Variants in HHATL observed in about 807,000 individuals in gnomAD.
HHATL encodes hedgehog acyltransferase like.
A neutral mutation model predicts 59.7 loss-of-function variants in HHATL; 49 were observed. That is an observed-to-expected ratio of 0.82 (90% CI 0.65 to 1.04). The LOEUF (loss-of-function observed/expected upper bound fraction) is 1.04. Among genes scored for constraint, HHATL ranks in the 50% least tolerant of loss-of-function variants. The pLI, the probability that HHATL is intolerant of heterozygous loss-of-function variation, is 0.00. For synonymous variants in HHATL, 238 were observed against 257.3 expected (o/e 0.93, Z 0.72); for missense variants, 605 against 650.8 (o/e 0.93, Z 0.77).
At chr3:42,695,165 C>A (rs77227957) in intron 9 of HHATL, among the ~76,000 whole-genome samples, 2,446 of 152,258 alleles carry the variant, frequency 0.016, 87 homozygotes, top group East Asian at 0.13. Flanking sequence ...CATGCCCCAA[C>A]TTTGTCACCA....
At position 42,698,749 on chromosome 3, in the gene HHATL, T is replaced by A. The variant is rs1293952554; in HGVS notation, c.442A>T (p.Ser148Cys). 1 of 1,598,842 alleles carries A rather than the reference T, an allele frequency of 6.3e-7. No individual in the cohort carries two copies. The highest frequency in any genetic ancestry group is 1.1e-5 in the South Asian group (1 of 88,486). The change falls in exon 5 of 12, where the codon AGC becomes TGC. Residue 148 changes from serine (S) to cysteine (C), a missense_variant. By Grantham distance (112) the Ser-to-Cys change is moderately radical (BLOSUM62 -1). Coordinates refer to ENST00000441594, the MANE Select transcript of HHATL (RefSeq NM_020707.4). ...PWLCLGLGLA[S>C]LASFKMDPLI... ...GGGTCCATCTTGAAGGAGGCCAGGCTGGCCAAGCCAAGGCCAAGACAGAGC... is the reference window on the plus strand; with the variant it reads ...GGGTCCATCTTGAAGGAGGCCAGGCAGGCCAAGCCAAGGCCAAGACAGAGC...
rs568066259 is a variant in HHATL, at chr3:42,694,347, TC to T, written c.1047-530del. The T allele has an allele frequency of 7.3e-3, 1,140 of 156,730 alleles. 5 individuals are homozygous for T. Among genetic ancestry groups the T allele is most frequent in the Non-Finnish European group, 0.012 (834 of 70,378 alleles). 9.7% of individuals were successfully genotyped at this position (156,730 alleles called of 1,614,324 possible). ...CTCTCAGTCCTGACCACCACTCACC[TC>T]CTCTACCACCACCACCCTAGTCAAG... On this transcript the variant is annotated intron_variant, in intron 9 of 11. Coordinates refer to ENST00000441594, the MANE Select transcript of HHATL (RefSeq NM_020707.4).
intron 9 of HHATL, among the ~76,000 whole-genome samples, chr3:42,695,445 C>T (rs1490203690): frequency 6.6e-6 from 1 of 152,214 alleles, no homozygotes; most frequent in African/African-American, 2.4e-5. Flanking sequence ...GGGGAAATCT[C>T]ACATCTTCAC....
At position 42,697,805 on chromosome 3, in the gene HHATL, T is replaced by G. The variant is rs922799172; in HGVS notation, c.694-126A>C. On this transcript the variant is annotated intron_variant, in intron 6 of 11. Transcript: ENST00000441594. Reference sequence around the variant, plus strand: ...TTTATCCAGGAGTCCTGCCTGAGGGTGGAGACAGAGGTCACCCTGGAGTCT... The same window carrying G: ...TTTATCCAGGAGTCCTGCCTGAGGGGGGAGACAGAGGTCACCCTGGAGTCT... 17 of 1,025,502 alleles carry G rather than the reference T, an allele frequency of 1.7e-5. No homozygotes were observed. In the African/African-American group the frequency reaches 2.4e-4, roughly 15 times the overall value. 63.5% of individuals were successfully genotyped at this position (1,025,502 alleles called of 1,614,324 possible). A position where few individuals can be genotyped will look rare whatever the true frequency, so the allele number is the denominator to read the frequency against.
intron 6 of HHATL, 123 bp from the exon 7 acceptor site, chr3:42,697,802 G>A (rs1419791341): frequency 1.9e-6 from 2 of 1,046,106 alleles, no homozygotes; most frequent in Non-Finnish European, 1.4e-6. Context: ...TCCTGCCTGA[G>A]GGTGGAGACA....
intron 1 of HHATL, 73 bp from the exon 2 acceptor site, chr3:42,700,912 C>A: frequency 3.2e-6 from 3 of 947,576 alleles, no homozygotes; most frequent in Non-Finnish European, 3.3e-6. Context: ...TCCCACCACC[C>A]CAGTGGGGAC....
intron 7 of HHATL, 138 bp from the exon 8 acceptor site, chr3:42,697,283 G>A (rs1182573549): frequency 4.2e-6 from 5 of 1,203,150 alleles, no homozygotes; most frequent in Non-Finnish European, 4.6e-6. Context: ...GTGGAAATCA[G>A]TCATGCCTGG....
chr3:42,693,562 GC>G (rs150364023), intron 10 of HHATL, 54 bp downstream of exon 10: 11 of 1,457,212 alleles, frequency 7.5e-6, no homozygotes, highest in Middle Eastern at 2.0e-4. Context: ...AAGCAGCAGT[GC>G]CCCCCCGCCC....
chr3:42,696,511 C>A (rs1341765622), intron 9 of HHATL, among the ~76,000 whole-genome samples: 1 of 152,162 alleles, frequency 6.6e-6, no homozygotes, highest in Non-Finnish European at 1.5e-5. Flanking sequence ...CTGAAGCCCT[C>A]TCTGGAAACT....
chr3:42,695,758 C>T (rs967512531), intron 9 of HHATL, among the ~76,000 whole-genome samples: 1 of 152,124 alleles, frequency 6.6e-6, no homozygotes, highest in Non-Finnish European at 1.5e-5. Flanking sequence ...ACCTGCTTTC[C>T]TCTGCATCCA....
chr3:42,693,254 G>C (rs1465532660), intron 10 of HHATL, 36 bp from the exon 11 acceptor site: 5 of 1,609,198 alleles, frequency 3.1e-6, no homozygotes, highest in Non-Finnish European at 4.2e-6. Flanking sequence ...AGCGGGACAA[G>C]AGGCCAAAGG....
At chr3:42,700,635 G>A (rs900414086) in intron 2 of HHATL, 86 bp downstream of exon 2, 8 of 838,176 alleles carry the variant, frequency 9.5e-6, no homozygotes, top group African/African-American at 8.5e-5. Context: ...TCTGGAGCCT[G>A]TAACTTTCTG....
intron 3 of HHATL, among the ~76,000 whole-genome samples, chr3:42,699,423 C>T (rs1697833376): frequency 6.6e-6 from 1 of 152,144 alleles, no homozygotes. Context: ...GAGTGAAGGG[C>T]ACCATGGGGG....
chr3:42,699,662 G>T, intron 3 of HHATL, 96 bp downstream of exon 3: 1 of 1,048,910 alleles, frequency 9.5e-7, no homozygotes, highest in Non-Finnish European at 1.4e-6. Flanking sequence ...AGGCCCCAGA[G>T]CTGTGAGAAG....
Position 42,698,700 on chromosome 3 carries a change from G to C in HHATL, c.483+8C>G. On this transcript the variant is annotated splice_region_variant and intron_variant, in intron 5 of 11. Transcript: ENST00000441594. ...CCCTACACCCTCTACCCCTGCACCAGTTCACACCTGCCAAGAGATTAGGGG... is the reference window on the plus strand; with the variant it reads ...CCCTACACCCTCTACCCCTGCACCACTTCACACCTGCCAAGAGATTAGGGG... 1.3e-6 allele frequency: 2 copies of C among 1,553,252 alleles called. No individual in the cohort carries two copies. The highest frequency in any genetic ancestry group is 1.7e-6 in the Non-Finnish European group (2 of 1,155,552).
chr3:42,697,260 A>AC (rs34221829), intron 7 of HHATL, 115 bp from the exon 8 acceptor site: 16,711 of 1,315,502 alleles, frequency 0.013, 140 homozygotes, highest in Non-Finnish European at 0.015. Flanking sequence ...CCCCACGGAG[A>AC]CCCCCCCATA....
chr3:42,696,367 C>T (rs906308567), intron 9 of HHATL, among the ~76,000 whole-genome samples: 1 of 152,168 alleles, frequency 6.6e-6, no homozygotes, highest in Non-Finnish European at 1.5e-5. Flanking sequence ...AGCCTAAAAA[C>T]CACCTGCCCA....
In HHATL at chr3:42,698,698, C is replaced by A; in HGVS notation, c.483+10G>T. Reference sequence around the variant, plus strand: ...ATCCCTACACCCTCTACCCCTGCACCAGTTCACACCTGCCAAGAGATTAGG... The same window carrying A: ...ATCCCTACACCCTCTACCCCTGCACAAGTTCACACCTGCCAAGAGATTAGG... On this transcript the variant is annotated intron_variant, in intron 5 of 11. Coordinates refer to ENST00000441594, the MANE Select transcript of HHATL (RefSeq NM_020707.4). 1 of 1,545,384 alleles carries A rather than the reference C, an allele frequency of 6.5e-7. No individual in the cohort carries two copies. Among genetic ancestry groups the A allele is most frequent in the Non-Finnish European group, 8.7e-7 (1 of 1,151,440 alleles).
Position 42,700,713 on chromosome 3 carries a change from G to A in HHATL, c.106+8C>T. ...TCCTGTCCACCTGCCCCGGGGCACA[G>A]CCATTACCTTGTGAAGCCTCAAGGA... On this transcript the variant is annotated splice_region_variant and intron_variant, in intron 2 of 11. Coordinates refer to ENST00000441594, the MANE Select transcript of HHATL (RefSeq NM_020707.4). 6.3e-7 allele frequency: 1 copy of A among 1,597,194 alleles called. No individual in the cohort carries two copies. The highest frequency in any genetic ancestry group is 2.2e-5 in the East Asian group (1 of 44,782).
Sources: allele counts gnomAD v4.1 joint callset (sites outside exome capture counted in the v4.1 genomes callset), GRCh38; gene constraint gnomAD v4.1.1; transcripts MANE v1.5; gene names NCBI Gene and HGNC (gene_info 2026-07-23, HGNC 2026-07-21).